The following ELF1 variants were observed in gnomAD, a reference collection of about 807,000 sequenced individuals.
ELF1 encodes the protein ETS-related transcription factor Elf-1.
A neutral mutation model predicts 59.9 loss-of-function variants in ELF1; 24 were observed. That is an observed-to-expected ratio of 0.40 (90% confidence interval 0.29 to 0.56). The LOEUF (loss-of-function observed/expected upper bound fraction) is 0.56. ELF1 is among the 20% of genes least tolerant of loss of function. ELF1 has a pLI of 0.44. For synonymous variants in ELF1, 248 were observed against 266.2 expected (o/e 0.93, Z 0.67); for missense variants, 627 against 742.2 (o/e 0.84, Z 1.80).
At chr13:40,958,740 C>T in intron 3 of ELF1, 96 bp downstream of exon 3, 1 of 1,442,540 alleles carries the variant, frequency 6.9e-7, no homozygotes, top group Non-Finnish European at 9.1e-7. Flanking sequence ...AGTTTAAAAC[C>T]AAGTTAGGGG....
chr13:40,951,232 T>C (rs1870826216), intron 4 of ELF1, 97 bp downstream of exon 4: 1 of 1,007,758 alleles, frequency 9.9e-7, no homozygotes, highest in Non-Finnish European at 1.4e-6. Context: ...ACAAAAAATA[T>C]ATAACATCAT....
At chr13:40,972,028 A>G (rs1169664742) in intron 2 of ELF1, among the ~76,000 whole-genome samples, 2 of 152,174 alleles carry the variant, frequency 1.3e-5, no homozygotes, top group African/African-American at 4.8e-5. Context: ...TAAATATCAG[A>G]GTAGTCACTA....
chr13:41,027,121 A>G (rs1353541674), intron 1 of ELF1, among the ~76,000 whole-genome samples: 4 of 152,222 alleles, frequency 2.6e-5, no homozygotes, highest in Non-Finnish European at 4.4e-5. Context: ...AAATGGCCAG[A>G]TGTGTGATTA....
At position 40,943,849 on chromosome 13, in the gene ELF1, A is replaced by G. The variant is rs3764056; in HGVS notation, c.606T>C (p.Asp202=). Residue 202 remains aspartate (D), a synonymous_variant, in exon 6 of 9, where the codon GAT becomes GAC. Transcript: ENST00000239882. ...AGTATTACACAGTAGTACCCTTTCC[A>G]TCTTTGTTTTTCTTCTTCACAGATA... ...PNISVKKKNK[D]GKGNTIYLWE... 1,021,660 of 1,612,178 alleles carry G rather than the reference A, an allele frequency of 0.63. 338,178 individuals are homozygous for G. The highest frequency in any genetic ancestry group is 0.68 in the Non-Finnish European group (799,087 of 1,178,746).
chr13:40,965,365 T>C (rs1326326337), intron 2 of ELF1, among the ~76,000 whole-genome samples: 1 of 152,234 alleles, frequency 6.6e-6, no homozygotes, highest in South Asian at 2.1e-4. Context: ...CTCACACCTG[T>C]AACCCCAGCA....
intron 5 of ELF1, among the ~76,000 whole-genome samples, chr13:40,944,599 G>C (rs967635457): frequency 6.6e-6 from 1 of 152,176 alleles, no homozygotes; most frequent in Non-Finnish European, 1.5e-5. Context: ...AATAGCCTCA[G>C]AGTGGGGTCG....
rs74045676 is a variant in ELF1, at chr13:40,968,545, G to A, written c.73-9529C>T. On this transcript the variant is annotated intron_variant, in intron 2 of 8. Transcript: ENST00000239882. ...ATTTTAAATGATTTCAGGAATTGAT[G>A]TATTACACAAAGCAAGCTAGGATTG... 6.7e-3 allele frequency among the ~76,000 whole-genome samples: 1,022 copies of A among 152,040 alleles called. 9 individuals are homozygous for A. Among genetic ancestry groups the A allele is most frequent in the African/African-American group, 0.024 (975 of 41,446 alleles).
At chr13:41,039,006 C>CA (rs11405097) in intron 1 of ELF1, among the ~76,000 whole-genome samples, 34,305 of 76,340 alleles carry the variant, frequency 0.45, 6,923 homozygotes, top group South Asian at 0.52. Context: ...GAGACTTTGT[C>CA]AAAAAAAAAA....
chr13:41,053,958 C>T (rs1877193584), intron 1 of ELF1, among the ~76,000 whole-genome samples: 1 of 152,000 alleles, frequency 6.6e-6, no homozygotes, highest in Non-Finnish European at 1.5e-5. Context: ...GCAAGAAGGC[C>T]ACTTTCACTT....
chr13:40,961,624 A>G (rs1317292618), intron 2 of ELF1, among the ~76,000 whole-genome samples: 2 of 152,224 alleles, frequency 1.3e-5, no homozygotes, highest in African/African-American at 2.4e-5. Context: ...CACACACCTT[A>G]AAGAAAAGTG....
At chr13:40,991,546 G>C (rs1725241108) in intron 1 of ELF1, among the ~76,000 whole-genome samples, 3 of 151,992 alleles carry the variant, frequency 2.0e-5, no homozygotes, top group Admixed American at 1.3e-4. Context: ...CAAAGTGCTG[G>C]GGTTACAGGT....
chr13:41,010,606 A>T (rs879389786), intron 1 of ELF1, among the ~76,000 whole-genome samples: 8 of 152,132 alleles, frequency 5.3e-5, no homozygotes, highest in Non-Finnish European at 7.4e-5. Context: ...AATACATTTT[A>T]AATGGAGGTT....
chr13:40,962,446 G>A (rs1185006272), intron 2 of ELF1, among the ~76,000 whole-genome samples: 2 of 151,976 alleles, frequency 1.3e-5, no homozygotes, highest in East Asian at 3.9e-4. Flanking sequence ...ACTTTGGGAG[G>A]GCAAGGTGGG....
intron 2 of ELF1, among the ~76,000 whole-genome samples, chr13:40,972,220 A>T (rs1057494556): frequency 6.6e-6 from 1 of 152,214 alleles, no homozygotes; most frequent in Non-Finnish European, 1.5e-5. Flanking sequence ...GCTACAATAG[A>T]GTCTCTCCCA....
chr13:41,048,064 G>A (rs377714679), intron 1 of ELF1, among the ~76,000 whole-genome samples: 2 of 152,230 alleles, frequency 1.3e-5, no homozygotes, highest in African/African-American at 4.8e-5. Context: ...GTGGGCATGA[G>A]GCCCTCCAAG....
At chr13:40,957,713 T>C (rs1435847098) in intron 3 of ELF1, among the ~76,000 whole-genome samples, 1 of 152,130 alleles carries the variant, frequency 6.6e-6, no homozygotes, top group Non-Finnish European at 1.5e-5. Context: ...TTATAAGTAT[T>C]ACCCAGTCTC....
rs1874191737 is a variant in ELF1, at chr13:40,997,524, G to T, written c.-228-15242C>A. On this transcript the variant is annotated intron_variant, in intron 1 of 8. Transcript: ENST00000239882. Reference sequence around the variant, plus strand: ...ACCCACCTTGGCCTCCCAAAGTGCTGGAATTACAGGTGTGAGCCACTGCAC... The same window carrying T: ...ACCCACCTTGGCCTCCCAAAGTGCTTGAATTACAGGTGTGAGCCACTGCAC... 3.3e-5 allele frequency among the ~76,000 whole-genome samples: 5 copies of T among 151,816 alleles called. No homozygotes were observed. The South Asian group carries it at 1.0e-3, about 32-fold the overall frequency.
At chr13:41,024,897 C>T (rs1313873957) in intron 1 of ELF1, among the ~76,000 whole-genome samples, 2 of 152,170 alleles carry the variant, frequency 1.3e-5, no homozygotes, top group African/African-American at 2.4e-5. Context: ...AGTAACATCA[C>T]AGTCTCCTCC....
upstream of ELF1, among the ~76,000 whole-genome samples, chr13:41,022,707 C>T (rs558927415): frequency 5.3e-5 from 8 of 152,192 alleles, no homozygotes; most frequent in Admixed American, 3.3e-4. Context: ...ATGGTGAAAC[C>T]GTCTCTACTA....
Sources: gnomAD v4.1 joint callset for allele counts (sites outside exome capture counted in the v4.1 genomes callset) on GRCh38, gnomAD v4.1.1 for gene constraint, MANE v1.5 for transcripts, NCBI Gene and HGNC (gene_info 2026-07-23, HGNC 2026-07-21) for gene names.